The following TUBGCP4 variants were observed in gnomAD, a reference collection of about 807,000 sequenced individuals.
TUBGCP4 encodes gamma-tubulin complex component 4.
TUBGCP4 carries 54 observed loss-of-function variants against 91.6 expected under a neutral mutation model. The ratio of observed to expected loss-of-function variants is 0.59; its 90% CI spans 0.47 to 0.74. The LOEUF (loss-of-function observed/expected upper bound fraction) is 0.74. TUBGCP4 is among the 30% of genes least tolerant of loss of function. The pLI is 0.00. For synonymous variants in TUBGCP4, 297 were observed against 302.8 expected (o/e 0.98, Z 0.20); for missense variants, 593 against 800.9 (o/e 0.74, Z 3.13).
At position 43,395,592 on chromosome 15, in the gene TUBGCP4, G is replaced by C; in HGVS notation, c.1075G>C (p.Asp359His). The C allele has an allele frequency of 6.2e-7, 1 of 1,613,726 alleles. No homozygotes were observed. Among genetic ancestry groups the C allele is most frequent in the South Asian group, 1.1e-5 (1 of 91,050 alleles). Reference sequence around the variant, plus strand: ...GAAATTCTTTCCTCAGATCATTAAAGACTTTTACCTTCTGGGACGTGGAGA... The same window carrying C: ...GAAATTCTTTCCTCAGATCATTAAACACTTTTACCTTCTGGGACGTGGAGA... ...DLLGQLKIIK[D>H]FYLLGRGELF... The change falls in exon 11 of 18, where the codon GAC (aspartate) becomes CAC (histidine). Residue 359 changes from aspartate (D) to histidine (H), a missense_variant. Asp to His is a moderately conservative substitution (Grantham distance 81). Coordinates refer to ENST00000564079, the MANE Select transcript of TUBGCP4 (RefSeq NM_014444.5).
In TUBGCP4 at chr15:43,376,094, G is replaced by A. The variant is rs369387707; in HGVS notation, c.79-4G>A. The A allele has an allele frequency of 1.9e-6, 3 of 1,613,446 alleles. No individual in the cohort carries two copies. The highest frequency in any genetic ancestry group is 1.1e-5 in the South Asian group (1 of 91,064). ...TGTTTTCGGCAGTGTTCCTCTTCCT[G>A]CAGGTATCGCAGGACTTCCCTTTCC... On this transcript the variant is annotated splice_polypyrimidine_tract_variant and splice_region_variant and intron_variant, in intron 1 of 17. Coordinates refer to ENST00000564079, the MANE Select transcript of TUBGCP4 (RefSeq NM_014444.5).
At chr15:43,392,772 T>C (rs1595492139) in intron 9 of TUBGCP4, among the ~76,000 whole-genome samples, 1 of 152,226 alleles carries the variant, frequency 6.6e-6, no homozygotes, top group Non-Finnish European at 1.5e-5. Context: ...GTGCTGGGAT[T>C]ACAGGCATGA....
chr15:43,400,040 C>T lies in TUBGCP4; in HGVS notation c.1419-4C>T, dbSNP rs772026925. The T allele has an allele frequency of 1.2e-6, 2 of 1,604,420 alleles. No homozygotes were observed. Among genetic ancestry groups the T allele is most frequent in the East Asian group, 4.5e-5 (2 of 44,568 alleles). On this transcript the variant is annotated splice_region_variant and splice_polypyrimidine_tract_variant and intron_variant, in intron 13 of 17. Coordinates refer to ENST00000564079, the MANE Select transcript of TUBGCP4 (RefSeq NM_014444.5). ...TCTTGAATATCCTGTTATTTCTGTC[C>T]TAGGTACAATGTTGTTTTTAAGTAC...
At chr15:43,391,627 G>A (rs1306611447) in intron 9 of TUBGCP4, 2 of 152,262 alleles carry the variant, frequency 1.3e-5, no homozygotes, top group African/African-American at 2.4e-5. Flanking sequence ...CCTGATTGGT[G>A]TAGCACACTA....
intron 6 of TUBGCP4, among the ~76,000 whole-genome samples, chr15:43,382,211 CAAAAAA>C (rs59500630): frequency 3.8e-5 from 5 of 131,594 alleles, no homozygotes; most frequent in African/African-American, 1.0e-4. Context: ...GACCCTGTCT[CAAAAAA>C]AAAAGAAAAA....
intron 10 of TUBGCP4, 160 bp from the exon 11 acceptor site, chr15:43,395,423 G>A (rs1036962027): frequency 2.6e-5 from 18 of 696,668 alleles, no homozygotes; most frequent in Non-Finnish European, 3.5e-5. Flanking sequence ...CCTGCTATGC[G>A]GAACTAAGTA....
At chr15:43,382,162 T>G (rs551585114) in intron 6 of TUBGCP4, among the ~76,000 whole-genome samples, 3 of 150,924 alleles carry the variant, frequency 2.0e-5, no homozygotes, top group Non-Finnish European at 4.4e-5. Flanking sequence ...CAGTGAGCCA[T>G]GATCGTGCTA....
At position 43,407,629 on chromosome 15, in the gene TUBGCP4, A is replaced by G. The variant is rs183603812; in HGVS notation, c.*2415A>G. 6 of 1,508,784 alleles carry G rather than the reference A, an allele frequency of 4.0e-6. No homozygotes were observed. In the African/African-American group the frequency reaches 8.3e-5, roughly 21 times the overall value. The allele number at this position is 1,508,784 out of a possible 1,614,324, so 93.5% of individuals were successfully genotyped here. A position where few individuals can be genotyped will look rare whatever the true frequency, so the allele number is the denominator to read the frequency against. ...GACACTCAACTTAGCCCTCCATTAG[A>G]AAGAGAGATTTGATTCTAACCAATA... is the stretch of plus-strand genomic sequence containing the variant. On this transcript the variant is annotated 3_prime_UTR_variant, in exon 18 of 18. Coordinates refer to ENST00000564079, the MANE Select transcript of TUBGCP4 (RefSeq NM_014444.5).
rs939875633 is a variant in TUBGCP4, at chr15:43,393,812, T to A, written c.1015-1295T>A. On this transcript the variant is annotated intron_variant, in intron 9 of 17. Coordinates refer to ENST00000564079, the MANE Select transcript of TUBGCP4 (RefSeq NM_014444.5). ...TATGGCTGCATAGTATTCCATGGTG[T>A]ATATGTGCCACATTTACGATTAACA... Among the ~76,000 whole-genome samples, 63 of 152,152 alleles carry A rather than the reference T, an allele frequency of 4.1e-4. 1 individual carries two copies. Among genetic ancestry groups the A allele is most frequent in the African/African-American group, 1.4e-3 (60 of 41,424 alleles).
Position 43,383,309 on chromosome 15 carries a change from G to A in TUBGCP4, c.528G>A (p.Leu176=). ...TACTTTCTACTCTGCCCAGAATCCT[G>A]GCCGTTTGTCATGGGGTCATGTATA... The part of the protein sequence containing the change: ...PPVRSALEKI[L]AVCHGVMYKQ... Residue 176 remains leucine (L), a synonymous_variant, in exon 7 of 18, where the codon CTG becomes CTA. Transcript: ENST00000564079. The A allele has an allele frequency of 6.2e-7, 1 of 1,612,386 alleles. No individual in the cohort carries two copies. The highest frequency in any genetic ancestry group is 1.1e-5 in the South Asian group (1 of 90,788).
rs1334676684 is a variant in TUBGCP4 at position 43,407,432 on chromosome 15, A to G, written c.*2218A>G. The stretch of plus-strand genomic sequence containing the variant: ...ATATTTTGGATGCTGCTTGAATCCA[A>G]TTCTCTCCCCAACAATGAGGCACTG... On this transcript the variant is annotated 3_prime_UTR_variant, in exon 18 of 18. Coordinates refer to ENST00000564079, the MANE Select transcript of TUBGCP4 (RefSeq NM_014444.5). 2 of 1,614,066 alleles carry G rather than the reference A, an allele frequency of 1.2e-6. No individual in the cohort carries two copies. The highest frequency in any genetic ancestry group is 1.3e-5 in the African/African-American group (1 of 74,916).
chr15:43,372,633 G>T (rs1296418399), intron 1 of TUBGCP4, among the ~76,000 whole-genome samples: 1 of 151,760 alleles, frequency 6.6e-6, no homozygotes, highest in South Asian at 2.1e-4. Context: ...GGGAGGGGGT[G>T]GGGGAGACAA....
chr15:43,398,290 T>A, intron 13 of TUBGCP4, 111 bp downstream of exon 13: 1 of 1,231,242 alleles, frequency 8.1e-7, no homozygotes, highest in Non-Finnish European at 1.1e-6. Context: ...CACACACCTG[T>A]AATCCCAGCT....
Position 43,408,459 on chromosome 15 carries a change from T to G in TUBGCP4, c.*3245T>G. On this transcript the variant is annotated 3_prime_UTR_variant, in exon 18 of 18. Coordinates refer to ENST00000564079, the MANE Select transcript of TUBGCP4 (RefSeq NM_014444.5). ...CTGCGCCACTGTACTCCAGCCTAGG[T>G]GACAGAGCAAGACTTCATCTTAAAA... 3.8e-6 allele frequency: 1 copy of G among 262,548 alleles called. No homozygotes were observed. Among genetic ancestry groups the G allele is most frequent in the South Asian group, 5.1e-5 (1 of 19,518 alleles). The allele number at this position is 262,548 out of a possible 1,614,324, so 16.3% of individuals were successfully genotyped here.
chr15:43,398,042 TG>T lies in TUBGCP4; in HGVS notation c.1282del (p.Ala428LeufsTer25), dbSNP rs890619630. 1 of 1,610,944 alleles carries T rather than the reference TG, an allele frequency of 6.2e-7. No individual in the cohort carries two copies. Among genetic ancestry groups the T allele is most frequent in the African/African-American group, 1.3e-5 (1 of 74,672 alleles). On this transcript the variant is annotated frameshift_variant and splice_region_variant, in exon 13 of 18. Transcript: ENST00000564079. LOFTEE classifies it high-confidence loss of function. ...IEYHGKEHKDATQAREGPSRE... is the reference protein window; with the variant it reads ...IEYHGKEHKDXTQAREGPSRE... ...TTTTCTTTTCTTTTATCACAGCAGATGCTACTCAGGCAAGAGAAGGGCCTTC... is the reference window on the plus strand; with the variant it reads ...TTTTCTTTTCTTTTATCACAGCAGATCTACTCAGGCAAGAGAAGGGCCTTC...
chr15:43,376,259 A>C, intron 2 of TUBGCP4, 33 bp downstream of exon 2: 1 of 1,611,282 alleles, frequency 6.2e-7, no homozygotes, highest in South Asian at 1.1e-5. Flanking sequence ...GTACACCTCT[A>C]GAGGGCAGGA....
chr15:43,385,769 T>C (rs774305082), intron 7 of TUBGCP4, 22 bp from the exon 8 acceptor site: 9 of 1,613,254 alleles, frequency 5.6e-6, no homozygotes, highest in Non-Finnish European at 7.6e-6. Flanking sequence ...TGCATCTCGA[T>C]GTGTACTCTT....
chr15:43,404,130 C>A, intron 16 of TUBGCP4: 1 of 516,300 alleles, frequency 1.9e-6, no homozygotes, highest in Non-Finnish European at 3.4e-6. Context: ...TGCTTGTAAT[C>A]AAAACGGGTT....
intron 16 of TUBGCP4, chr15:43,404,122 C>T (rs142456685): frequency 3.9e-6 from 2 of 513,948 alleles, no homozygotes; most frequent in African/African-American, 3.8e-5. Context: ...TAATTATCTG[C>T]TTGTAATCAA....
Sources: allele counts gnomAD v4.1 joint callset (sites outside exome capture counted in the v4.1 genomes callset), GRCh38; gene constraint gnomAD v4.1.1; transcripts MANE v1.5; gene names NCBI Gene and HGNC (gene_info 2026-07-23, HGNC 2026-07-21).